The following TMEM132C variants were observed in gnomAD, a reference collection of about 807,000 sequenced individuals.
The protein encoded by TMEM132C is transmembrane protein 132C.
TMEM132C carries 29 observed loss-of-function variants against 61.4 expected under a neutral mutation model. The observed-to-expected ratio is 0.47, with a 90% CI of 0.35 to 0.64. The LOEUF is 0.64. TMEM132C is among the 30% of genes least tolerant of loss of function. TMEM132C has a pLI of 0.00. For missense variants in TMEM132C, 1,408 were observed against 1,476.9 expected (o/e 0.95, Z 0.76); for synonymous variants, 656 against 633.1 (o/e 1.04, Z -0.54).
rs73438612 is a variant in TMEM132C, at chr12:128,394,197, A to G, written c.86-20535A>G. On this transcript the variant is annotated intron_variant, in intron 1 of 8. Coordinates refer to ENST00000435159, the MANE Select transcript of TMEM132C (RefSeq NM_001136103.3). ...ATCAGATCTCATGAGACTTACTACC[A>G]TGAGAACACCACAGGAAAGACCTAC... Among the ~76,000 whole-genome samples the G allele has an allele frequency of 2.4e-3, 360 of 152,256 alleles. 2 individuals are homozygous for G. The highest frequency in any genetic ancestry group is 8.1e-3 in the African/African-American group (338 of 41,542).
chr12:128,443,181 CAT>C (rs769290118), intron 2 of TMEM132C, among the ~76,000 whole-genome samples: 9 of 151,758 alleles, frequency 5.9e-5, no homozygotes, highest in Non-Finnish European at 8.8e-5. Context: ...AAAAGCAAAA[CAT>C]TTACTCATAT....
intron 8 of TMEM132C, among the ~76,000 whole-genome samples, chr12:128,703,378 T>G (rs1314333432): frequency 6.6e-6 from 1 of 152,206 alleles, no homozygotes; most frequent in Non-Finnish European, 1.5e-5. Flanking sequence ...AGCTCCCACT[T>G]AGAAGTGAGA....
intron 3 of TMEM132C, among the ~76,000 whole-genome samples, chr12:128,591,636 C>A (rs974220246): frequency 9.9e-5 from 15 of 152,230 alleles, no homozygotes; most frequent in African/African-American, 3.6e-4. Flanking sequence ...CATATGGGAG[C>A]TCTATTTTCA....
chr12:128,453,887 C>G (rs1426806809), intron 2 of TMEM132C, among the ~76,000 whole-genome samples: 1 of 152,142 alleles, frequency 6.6e-6, no homozygotes, highest in Non-Finnish European at 1.5e-5. Flanking sequence ...CTCAACATCT[C>G]AACAATTATG....
intron 1 of TMEM132C, among the ~76,000 whole-genome samples, chr12:128,350,104 C>T (rs1238326169): frequency 1.3e-5 from 2 of 152,222 alleles, no homozygotes; most frequent in Non-Finnish European, 2.9e-5. Flanking sequence ...AAATTGTCTT[C>T]TATGAATTAT....
At chr12:128,426,202 A>T (rs573667174) in intron 2 of TMEM132C, among the ~76,000 whole-genome samples, 9 of 152,324 alleles carry the variant, frequency 5.9e-5, no homozygotes, top group Non-Finnish European at 1.3e-4. Context: ...GCACTCTTAA[A>T]TCCACTCTTC....
chr12:128,569,248 G>A (rs1377086407), intron 3 of TMEM132C, among the ~76,000 whole-genome samples: 2 of 152,202 alleles, frequency 1.3e-5, no homozygotes, highest in Admixed American at 6.5e-5. Flanking sequence ...GCTGGAGCAG[G>A]CCCCCTGAGG....
At chr12:128,652,480 C>T (rs896349645) in intron 4 of TMEM132C, among the ~76,000 whole-genome samples, 1 of 152,136 alleles carries the variant, frequency 6.6e-6, no homozygotes, top group Non-Finnish European at 1.5e-5. Context: ...GCAAGGCAGC[C>T]GATAAGCTAT....
At chr12:128,299,957 A>G (rs1355265070) in intron 1 of TMEM132C, among the ~76,000 whole-genome samples, 4 of 152,248 alleles carry the variant, frequency 2.6e-5, no homozygotes, top group Admixed American at 1.3e-4. Flanking sequence ...CAGGATGCCC[A>G]CATTTAAATA....
chr12:128,532,871 CA>C (rs1344172580), intron 2 of TMEM132C, among the ~76,000 whole-genome samples: 2 of 152,058 alleles, frequency 1.3e-5, no homozygotes, highest in Non-Finnish European at 2.9e-5. Context: ...ACGATGAAAG[CA>C]GCAGCAATAC....
At chr12:128,318,479 G>A (rs1375826557) in intron 1 of TMEM132C, among the ~76,000 whole-genome samples, 4 of 152,178 alleles carry the variant, frequency 2.6e-5, no homozygotes, top group Non-Finnish European at 5.9e-5. Flanking sequence ...GCTTTTGCAC[G>A]AGAACAACAG....
intron 1 of TMEM132C, among the ~76,000 whole-genome samples, chr12:128,311,849 C>CT (rs1357391746): frequency 2.6e-5 from 4 of 152,252 alleles, no homozygotes; most frequent in Non-Finnish European, 5.9e-5. Flanking sequence ...CTGACCACCT[C>CT]TACGCAGTGT....
intron 2 of TMEM132C, among the ~76,000 whole-genome samples, chr12:128,439,921 C>T (rs1869727871): frequency 6.6e-6 from 1 of 152,182 alleles, no homozygotes; most frequent in Non-Finnish European, 1.5e-5. Flanking sequence ...GGATTGTACC[C>T]TTGAGGGACC....
intron 1 of TMEM132C, among the ~76,000 whole-genome samples, chr12:128,346,710 T>C (rs1873169986): frequency 6.6e-6 from 1 of 152,188 alleles, no homozygotes; most frequent in Non-Finnish European, 1.5e-5. Flanking sequence ...TGACTGTCGA[T>C]GGCGTATAGG....
intron 6 of TMEM132C, 72 bp from the exon 7 acceptor site, chr12:128,695,758 G>C: frequency 6.9e-7 from 1 of 1,453,004 alleles, no homozygotes; most frequent in Non-Finnish European, 9.1e-7. Flanking sequence ...GTTGAGGTGA[G>C]CGCCTGCCTG....
At chr12:128,268,886 A>G (rs868214439) in intron 1 of TMEM132C, among the ~76,000 whole-genome samples, 2,001 of 102,100 alleles carry the variant, frequency 0.02, 61 homozygotes, top group African/African-American at 0.073. Context: ...GGGGTGAGAG[A>G]GGGGGGGGAA....
At chr12:128,599,519 T>A (rs1876092551) in intron 3 of TMEM132C, among the ~76,000 whole-genome samples, 1 of 152,184 alleles carries the variant, frequency 6.6e-6, no homozygotes, top group Non-Finnish European at 1.5e-5. Context: ...AGAAATAGGA[T>A]CTCCATATTT....
intron 1 of TMEM132C, among the ~76,000 whole-genome samples, chr12:128,280,676 A>C (rs1304587246): frequency 6.6e-6 from 1 of 152,212 alleles, no homozygotes; most frequent in Non-Finnish European, 1.5e-5. Context: ...TTGTTTAAAA[A>C]GTGATTTACT....
intron 5 of TMEM132C, among the ~76,000 whole-genome samples, chr12:128,675,722 G>C (rs1031636228): frequency 1.3e-5 from 2 of 152,050 alleles, no homozygotes; most frequent in African/African-American, 4.8e-5. Context: ...ATGGGTGGGT[G>C]GACAGATGGA....
Sources: allele counts gnomAD v4.1 joint callset (sites outside exome capture counted in the v4.1 genomes callset), GRCh38; gene constraint gnomAD v4.1.1; transcripts MANE v1.5; gene names NCBI Gene and HGNC (gene_info 2026-07-23, HGNC 2026-07-21).